RBFOX1: variants seen among roughly 807,000 people sequenced by gnomAD.
The protein encoded by RBFOX1 is RNA binding fox-1 homolog 1.
A neutral mutation model predicts 57.7 loss-of-function variants in RBFOX1; 8 were observed. That is an observed-to-expected ratio of 0.14 (90% CI 0.08 to 0.25). The LOEUF (loss-of-function observed/expected upper bound fraction) is 0.25. RBFOX1 is among the 10% of genes least tolerant of loss of function. RBFOX1 has a pLI of 1.00. For synonymous variants in RBFOX1, 326 were observed against 222.4 expected, an observed-to-expected ratio of 1.47 and a Z score of -4.15; for missense variants, 611 against 548.5, an observed-to-expected ratio of 1.11 and a Z score of -1.14.
chr16:5,913,640 A>G (rs569732504), intron 4 of RBFOX1, among the ~76,000 whole-genome samples: 2 of 152,310 alleles, frequency 1.3e-5, no homozygotes, highest in Admixed American at 6.5e-5. Context: ...TCTTTTCTTT[A>G]TACATTACCC....
chr16:6,470,955 A>G (rs950431977), intron 2 of RBFOX1, among the ~76,000 whole-genome samples: 8 of 152,176 alleles, frequency 5.3e-5, no homozygotes, highest in African/African-American at 1.9e-4. Context: ...GATACAATAA[A>G]ATAATCTTCC....
Position 5,249,425 on chromosome 16 carries a change from T to C in RBFOX1, c.219+9320T>C, listed in dbSNP as rs556440240. Among the ~76,000 whole-genome samples, 3 of 152,318 alleles carry C rather than the reference T, an allele frequency of 2.0e-5. No individual in the cohort carries two copies. In the East Asian group the frequency reaches 5.8e-4, roughly 29 times the overall value. On this transcript the variant is annotated intron_variant, in intron 1 of 2. Transcript: ENST00000585867. Reference sequence around the variant, plus strand: ...CTCTGTGGCTTGAAAGCCTGTCGGCTTAAGTTGCAAGGTGTAGGTGCCTGG... The same window carrying C: ...CTCTGTGGCTTGAAAGCCTGTCGGCCTAAGTTGCAAGGTGTAGGTGCCTGG...
At chr16:6,510,603 G>A (rs1490246710) in intron 2 of RBFOX1, among the ~76,000 whole-genome samples, 2 of 152,286 alleles carry the variant, frequency 1.3e-5, no homozygotes, top group Non-Finnish European at 2.9e-5. Flanking sequence ...ATGAAAGCCT[G>A]CGTATGCCTC....
At chr16:5,304,695 CA>C (rs2063889674) in intron 1 of RBFOX1, among the ~76,000 whole-genome samples, 1 of 152,066 alleles carries the variant, frequency 6.6e-6, no homozygotes, top group Non-Finnish European at 1.5e-5. Context: ...GCAGGGAAGA[CA>C]GAAGAAATAA....
intron 3 of RBFOX1, among the ~76,000 whole-genome samples, chr16:5,787,389 T>G (rs2054540491): frequency 6.6e-6 from 1 of 152,134 alleles, no homozygotes; most frequent in Non-Finnish European, 1.5e-5. Flanking sequence ...AATAAAGACT[T>G]TATGCCCTAG....
chr16:7,706,174 ACAAGGGCGTGTT>A (rs1376224327), intron 14 of RBFOX1, among the ~76,000 whole-genome samples: 2 of 152,216 alleles, frequency 1.3e-5, no homozygotes, highest in Non-Finnish European at 2.9e-5. Flanking sequence ...GTAGTGTCAC[ACAAGGGCGTGTT>A]CAGAAATTAG....
chr16:7,584,524 C>G (rs2093990489), intron 6 of RBFOX1, among the ~76,000 whole-genome samples: 2 of 152,174 alleles, frequency 1.3e-5, no homozygotes, highest in South Asian at 2.1e-4. Flanking sequence ...AACTCCCCAC[C>G]TTGTGATCTG....
rs1567214071 is a variant in RBFOX1, at chr16:6,780,193, ATATATTTT to A, written c.-16+125549_-16+125556del. Among the ~76,000 whole-genome samples, 6 of 31,422 alleles carry A rather than the reference ATATATTTT, an allele frequency of 1.9e-4. 2 individuals carry two copies. Among genetic ancestry groups the A allele is most frequent in the African/African-American group, 1.8e-3 (6 of 3,420 alleles). 20.6% of individuals were successfully genotyped at this position (31,422 alleles called of 152,430 possible). A position where few individuals can be genotyped will look rare whatever the true frequency, so the allele number is the denominator to read the frequency against. Reference sequence around the variant, plus strand: ...TTTTTATATATTTATATATATATTTATATATTTTTATATATTTATATATATTTATATAT... The same window carrying A: ...TTTTTATATATTTATATATATATTTATATATATTTATATATATTTATATAT... On this transcript the variant is annotated intron_variant, in intron 3 of 15. Transcript: ENST00000550418.
intron 1 of RBFOX1, among the ~76,000 whole-genome samples, chr16:6,033,968 T>C (rs774165662): frequency 3.2e-4 from 49 of 152,320 alleles, no homozygotes; most frequent in Admixed American, 3.3e-4. Context: ...TCATGAATTA[T>C]GTCCCTATTG....
chr16:7,034,433 G>A (rs750386470), intron 3 of RBFOX1, among the ~76,000 whole-genome samples: 3 of 152,114 alleles, frequency 2.0e-5, no homozygotes, highest in African/African-American at 7.2e-5. Flanking sequence ...GAGAGTCGCT[G>A]CCCTCTGCTT....
intron 4 of RBFOX1, among the ~76,000 whole-genome samples, chr16:7,128,823 T>G (rs1184782255): frequency 1.2e-5 from 1 of 83,656 alleles, no homozygotes; most frequent in Admixed American, 1.1e-4. Flanking sequence ...TTTTACTTTT[T>G]TTTTTTTTTT....
At chr16:5,945,922 G>A (rs753980695) in intron 4 of RBFOX1, among the ~76,000 whole-genome samples, 7 of 152,158 alleles carry the variant, frequency 4.6e-5, no homozygotes, top group African/African-American at 9.7e-5. Context: ...TGCCATGGGC[G>A]AGAGAGGGAT....
At chr16:6,352,574 C>CA (rs987922173) in intron 2 of RBFOX1, among the ~76,000 whole-genome samples, 2 of 151,924 alleles carry the variant, frequency 1.3e-5, no homozygotes, top group Non-Finnish European at 2.9e-5. Context: ...GATAGCAAAA[C>CA]AAAAAAACAA....
chr16:7,508,765 C>T (rs182525479), intron 4 of RBFOX1, among the ~76,000 whole-genome samples: 5 of 152,232 alleles, frequency 3.3e-5, no homozygotes, highest in East Asian at 3.9e-4. Context: ...TTCTTCCAGG[C>T]GGTCTCTTCC....
At chr16:5,323,939 C>T (rs2005316) in intron 1 of RBFOX1, among the ~76,000 whole-genome samples, 29,723 of 152,116 alleles carry the variant, frequency 0.2, 3,933 homozygotes, top group African/African-American at 0.38. Context: ...CTGACAGAGA[C>T]GATGTTATTT....
intron 2 of RBFOX1, among the ~76,000 whole-genome samples, chr16:6,344,689 G>C (rs1015553088): frequency 7.4e-6 from 1 of 135,226 alleles, no homozygotes; most frequent in Non-Finnish European, 1.6e-5. Context: ...GAGCCACCGA[G>C]CCCGGTTTTT....
chr16:6,652,322 T>C (rs76929761), intron 2 of RBFOX1, among the ~76,000 whole-genome samples: 8,913 of 152,012 alleles, frequency 0.059, 637 homozygotes, highest in Admixed American at 0.16. Context: ...GTGGTGCATG[T>C]CGGTAGTCCC....
intron 2 of RBFOX1, among the ~76,000 whole-genome samples, chr16:5,573,731 G>A (rs963126251): frequency 2.6e-5 from 4 of 152,184 alleles, no homozygotes; most frequent in African/African-American, 9.7e-5. Context: ...GGAGGCCGAG[G>A]TGGGAGGATG....
At chr16:6,345,385 A>G (rs2085220635) in intron 2 of RBFOX1, among the ~76,000 whole-genome samples, 1 of 152,250 alleles carries the variant, frequency 6.6e-6, no homozygotes, top group Non-Finnish European at 1.5e-5. Context: ...ATTAAGGGGC[A>G]GATGATACAG....
Sources: gnomAD v4.1 joint callset for allele counts (sites outside exome capture counted in the v4.1 genomes callset) on GRCh38, gnomAD v4.1.1 for gene constraint, MANE v1.5 for transcripts, NCBI Gene and HGNC (gene_info 2026-07-23, HGNC 2026-07-21) for gene names.